Variants in TTC17 observed in about 807,000 individuals in gnomAD.
The protein encoded by TTC17 is tetratricopeptide repeat domain 17.
A neutral mutation model predicts 143.8 loss-of-function variants in TTC17; 58 were observed. The ratio of observed to expected loss-of-function variants is 0.40; its 90% CI spans 0.33 to 0.50. The LOEUF is 0.50. Among genes scored for constraint, TTC17 ranks in the 20% least tolerant of loss-of-function variants. The probability of loss-of-function intolerance (pLI) is 0.49; values close to 1 mark genes in which losing one functional copy is unlikely to be tolerated. For synonymous variants in TTC17, 501 were observed against 497.8 expected, an observed-to-expected ratio of 1.01 and a Z score of -0.09; for missense variants, 1,273 against 1,392.5, an observed-to-expected ratio of 0.91 and a Z score of 1.37.
chr11:43,359,977 AACTT>A (rs1856032633), intron 1 of TTC17, among the ~76,000 whole-genome samples: 1 of 152,188 alleles, frequency 6.6e-6, no homozygotes, highest in South Asian at 2.1e-4. Context: ...AATATTGGTA[AACTT>A]ACTGACTTCG....
intron 1 of TTC17, among the ~76,000 whole-genome samples, chr11:43,377,749 A>G (rs1352636027): frequency 6.6e-6 from 1 of 152,226 alleles, no homozygotes; most frequent in Non-Finnish European, 1.5e-5. Context: ...AAATATTATT[A>G]AACTTTGTTA....
chr11:43,408,985 C>T (rs764935758), intron 15 of TTC17, among the ~76,000 whole-genome samples: 11 of 152,064 alleles, frequency 7.2e-5, no homozygotes, highest in Non-Finnish European at 1.5e-4. Context: ...TCAAGCAATC[C>T]TCCCATCTCA....
intron 1 of TTC17, among the ~76,000 whole-genome samples, chr11:43,378,033 A>G (rs1384452150): frequency 6.6e-6 from 1 of 152,100 alleles, no homozygotes; most frequent in Non-Finnish European, 1.5e-5. Flanking sequence ...CCTCCCGAGT[A>G]GCTGGGACTA....
Position 43,404,095 on chromosome 11 carries a change from T to G in TTC17, c.1430T>G (p.Val477Gly). 1 of 1,613,518 alleles carries G rather than the reference T, an allele frequency of 6.2e-7. No homozygotes were observed. The highest frequency in any genetic ancestry group is 1.1e-5 in the South Asian group (1 of 90,994). ...AATGATTCGGTCAAGTCTTCTCCCG[T>G]AGCCCATTCTATTCTCTGGATTTGG... ...DINDSVKSSPVAHSILWIWGR... is the reference protein window; with the variant it reads ...DINDSVKSSPGAHSILWIWGR... Residue 477 changes from valine to glycine, a missense_variant, in exon 11 of 24, where the codon GTA (valine) becomes GGA (glycine). Physicochemically the swap from Val to Gly is moderately radical, Grantham distance 109 (BLOSUM62 -3). Coordinates refer to ENST00000039989, the MANE Select transcript of TTC17 (RefSeq NM_018259.6).
rs746796640 is a variant in TTC17, at chr11:43,370,158, C to G, written c.160-9075C>G. The G allele has an allele frequency of 1.8e-5, 8 of 446,568 alleles. No individual in the cohort carries two copies. In the Middle Eastern group the frequency reaches 2.6e-3, roughly 147 times the overall value. 27.7% of individuals were successfully genotyped at this position (446,568 alleles called of 1,614,324 possible). On this transcript the variant is annotated intron_variant, in intron 1 of 23. Coordinates refer to ENST00000039989, the MANE Select transcript of TTC17 (RefSeq NM_018259.6). ...TTTTGCGAACCTGTACTTCTCTAAACCTCAAAGAAGATGTAAGCCCATGAT... is the reference window on the plus strand; with the variant it reads ...TTTTGCGAACCTGTACTTCTCTAAAGCTCAAAGAAGATGTAAGCCCATGAT...
At chr11:43,487,009 A>G (rs921991258) in intron 21 of TTC17, among the ~76,000 whole-genome samples, 12 of 152,190 alleles carry the variant, frequency 7.9e-5, no homozygotes, top group Non-Finnish European at 1.5e-4. Flanking sequence ...TGATCACACC[A>G]CTGCACTCCA....
chr11:43,413,496 A>C (rs1946704799), intron 15 of TTC17, among the ~76,000 whole-genome samples: 2 of 152,208 alleles, frequency 1.3e-5, no homozygotes, highest in Non-Finnish European at 2.9e-5. Context: ...TGAAATTAAG[A>C]AATTCTGTTT....
intron 16 of TTC17, among the ~76,000 whole-genome samples, chr11:43,421,879 G>A (rs949877579): frequency 2.8e-5 from 3 of 107,016 alleles, no homozygotes; most frequent in Admixed American, 1.5e-4. Flanking sequence ...TGTCTTCTAC[G>A]AAAGCAGCCC....
At chr11:43,380,610 G>T (rs1168288511) in intron 2 of TTC17, among the ~76,000 whole-genome samples, 1 of 152,204 alleles carries the variant, frequency 6.6e-6, no homozygotes, top group Non-Finnish European at 1.5e-5. Flanking sequence ...TTATGTAAAA[G>T]TCCCGAATTT....
chr11:43,390,969 C>T (rs920922931), intron 3 of TTC17, among the ~76,000 whole-genome samples: 1 of 152,168 alleles, frequency 6.6e-6, no homozygotes, highest in Non-Finnish European at 1.5e-5. Flanking sequence ...ACTATTTTCC[C>T]TGTGATTCTT....
chr11:43,411,047 C>T (rs1314597601), intron 15 of TTC17, among the ~76,000 whole-genome samples: 1 of 152,196 alleles, frequency 6.6e-6, no homozygotes. Flanking sequence ...CATACAGCAA[C>T]AGTGAAATCC....
chr11:43,378,468 G>C (rs1856843213), intron 1 of TTC17, among the ~76,000 whole-genome samples: 1 of 152,120 alleles, frequency 6.6e-6, no homozygotes, highest in Admixed American at 6.5e-5. Flanking sequence ...TCACTTTATT[G>C]ATTTACTTAG....
chr11:43,379,757 T>G (rs56134841), intron 2 of TTC17, among the ~76,000 whole-genome samples: 1 of 152,220 alleles, frequency 6.6e-6, no homozygotes, highest in Non-Finnish European at 1.5e-5. Flanking sequence ...CTTCCTATTA[T>G]GTTTTCTTAT....
chr11:43,425,687 T>G (rs1947012455), intron 16 of TTC17, among the ~76,000 whole-genome samples: 1 of 152,192 alleles, frequency 6.6e-6, no homozygotes, highest in South Asian at 2.1e-4. Context: ...TTTCTCCCCC[T>G]TTTTTCTTTC....
chr11:43,384,107 C>T (rs1285356309), intron 2 of TTC17, among the ~76,000 whole-genome samples: 3 of 150,810 alleles, frequency 2.0e-5, no homozygotes, highest in East Asian at 2.0e-4. Flanking sequence ...ATAGTACCAC[C>T]GCACTCCAGC....
At chr11:43,404,949 T>A (rs1858044523) in intron 11 of TTC17, among the ~76,000 whole-genome samples, 2 of 152,096 alleles carry the variant, frequency 1.3e-5, no homozygotes. Flanking sequence ...TATGTATGCT[T>A]TCAGGTACAA....
chr11:43,437,887 G>A (rs1356602857), intron 16 of TTC17, among the ~76,000 whole-genome samples: 1 of 152,172 alleles, frequency 6.6e-6, no homozygotes, highest in Admixed American at 6.5e-5. Flanking sequence ...TCTTGCTATA[G>A]TGACCCAGCT....
At chr11:43,456,271 G>A (rs1014263022) in intron 21 of TTC17, among the ~76,000 whole-genome samples, 15 of 151,820 alleles carry the variant, frequency 9.9e-5, no homozygotes, top group African/African-American at 3.6e-4. Context: ...TTCCACTGAA[G>A]TCAAGAACCA....
rs771274244 is a variant in TTC17, at chr11:43,492,179, G to A, written c.3294+16G>A. ...CGTGGCAATGGTGAGATGGGGGTGT[G>A]AGCAGTATGTACCAACTCTGCCAAA... is the stretch of plus-strand genomic sequence containing the variant. On this transcript the variant is annotated intron_variant, in intron 23 of 23. Transcript: ENST00000039989. 4 of 1,613,420 alleles carry A rather than the reference G, an allele frequency of 2.5e-6. No individual in the cohort carries two copies. Among genetic ancestry groups the A allele is most frequent in the East Asian group, 2.2e-5 (1 of 44,874 alleles).
Sources: allele counts gnomAD v4.1 joint callset (sites outside exome capture counted in the v4.1 genomes callset), GRCh38; gene constraint gnomAD v4.1.1; transcripts MANE v1.5; gene names NCBI Gene and HGNC (gene_info 2026-07-23, HGNC 2026-07-21).